The following TOR1AIP1 variants were observed in gnomAD, a reference collection of about 807,000 sequenced individuals.
TOR1AIP1 encodes torsin 1A interacting protein 1.
A neutral mutation model predicts 63.3 loss-of-function variants in TOR1AIP1; 54 were observed. That is an observed-to-expected ratio of 0.85 (90% CI 0.69 to 1.07). The LOEUF (loss-of-function observed/expected upper bound fraction) is 1.07, where lower values mean the gene tolerates loss of function less well. Ranked by LOEUF, TOR1AIP1 falls within the 50% of genes least tolerant of loss-of-function variation. TOR1AIP1 has a pLI of 0.00. For synonymous variants in TOR1AIP1, 294 were observed against 273.5 expected, an observed-to-expected ratio of 1.07 and a Z score of -0.74; for missense variants, 736 against 715.0, an observed-to-expected ratio of 1.03 and a Z score of -0.33.
chr1:179,894,208 G>A (rs1204199283), intron 3 of TOR1AIP1, among the ~76,000 whole-genome samples: 6 of 146,944 alleles, frequency 4.1e-5, no homozygotes, highest in Non-Finnish European at 7.4e-5. Context: ...CCGAGATCCC[G>A]CCACCGCACT....
chr1:179,893,798 T>C (rs1648180939), intron 3 of TOR1AIP1, among the ~76,000 whole-genome samples: 1 of 152,170 alleles, frequency 6.6e-6, no homozygotes, highest in African/African-American at 2.4e-5. Flanking sequence ...CTGGGTGAAA[T>C]TGGCCTACAA....
At position 179,901,316 on chromosome 1, in the gene TOR1AIP1, G is replaced by T. The variant is rs1648457775; in HGVS notation, c.667G>T (p.Asp223Tyr). The change falls in exon 5 of 10, where the codon GAT becomes TAT. Residue 223 changes from aspartate to tyrosine, a missense_variant. This residue lies in a region of TOR1AIP1 where 464 missense variants were observed against 371.0 expected (regional missense o/e 1.25). Transcript: ENST00000606911. ...CTTCTCTTTAGGAGAAACTGAAGAAGATGATCAAGACAGCTCTCACAGCAG... is the reference window on the plus strand; with the variant it reads ...CTTCTCTTTAGGAGAAACTGAAGAATATGATCAAGACAGCTCTCACAGCAG... ...NFSEEGETEE[D>Y]DQDSSHSSVT... 6.2e-7 allele frequency: 1 copy of T among 1,610,340 alleles called. No homozygotes were observed. The highest frequency in any genetic ancestry group is 2.2e-5 in the East Asian group (1 of 44,722).
intron 8 of TOR1AIP1, among the ~76,000 whole-genome samples, chr1:179,912,930 A>T (rs1648885291): frequency 6.6e-6 from 1 of 152,164 alleles, no homozygotes. Flanking sequence ...ATATATACAA[A>T]AGTTATAAAA....
At position 179,904,207 on chromosome 1, in the gene TOR1AIP1, C is replaced by T. The variant is rs185427576; in HGVS notation, c.796+185C>T. Among the ~76,000 whole-genome samples, 4 of 152,126 alleles carry T rather than the reference C, an allele frequency of 2.6e-5. No homozygotes were observed. In the East Asian group the frequency reaches 5.8e-4, roughly 22 times the overall value. ...CTTATTGAGTTATTATTCTCTATAC[C>T]CAAACCTGAATTTGAACTTAAAAAA... On this transcript the variant is annotated intron_variant, in intron 6 of 9. Coordinates refer to ENST00000606911, the MANE Select transcript of TOR1AIP1 (RefSeq NM_015602.4).
intron 9 of TOR1AIP1, among the ~76,000 whole-genome samples, chr1:179,915,288 T>C (rs1333830903): frequency 6.6e-6 from 1 of 152,256 alleles, no homozygotes; most frequent in Non-Finnish European, 1.5e-5. Context: ...CTTTTAGTAC[T>C]CTATTACATT....
chr1:179,917,549 CT>C lies in TOR1AIP1; in HGVS notation c.1065del (p.Phe355LeufsTer6). 6.2e-7 allele frequency: 1 copy of C among 1,614,052 alleles called. No individual in the cohort carries two copies. The highest frequency in any genetic ancestry group is 8.5e-7 in the Non-Finnish European group (1 of 1,180,012). ...CTCTTGCCTCTGGGAGTTTTTGGTT[CT>C]TTAGTACTCCTGAGGTAGAAACCAC... ...AALASGSFWF[F>X]STPEVETTAV... On this transcript the variant is annotated frameshift_variant, in exon 10 of 10. Transcript: ENST00000606911. LOFTEE classifies it high-confidence loss of function.
intron 6 of TOR1AIP1, among the ~76,000 whole-genome samples, chr1:179,907,593 T>A (rs61826288): frequency 1.6e-5 from 1 of 63,254 alleles, no homozygotes; most frequent in East Asian, 1.5e-3. Context: ...CACACACACT[T>A]TATATATATA....
intron 3 of TOR1AIP1, among the ~76,000 whole-genome samples, chr1:179,891,125 A>G (rs1214765707): frequency 1.3e-5 from 2 of 152,222 alleles, no homozygotes; most frequent in African/African-American, 2.4e-5. Flanking sequence ...ATATAAAAAC[A>G]TGTAATCAAT....
chr1:179,908,358 A>G (rs183862729), intron 7 of TOR1AIP1, among the ~76,000 whole-genome samples: 2 of 152,278 alleles, frequency 1.3e-5, no homozygotes, highest in Admixed American at 1.3e-4. Context: ...GTTCAGGGCT[A>G]TTTTACCACA....
intron 4 of TOR1AIP1, chr1:179,900,378 G>C (rs1648415623): frequency 3.0e-6 from 1 of 329,656 alleles, no homozygotes; most frequent in Non-Finnish European, 5.8e-6. Context: ...TCAGGTGTCT[G>C]CACTAAGTTT....
chr1:179,896,067 G>T (rs536221582), intron 3 of TOR1AIP1, among the ~76,000 whole-genome samples: 1 of 152,110 alleles, frequency 6.6e-6, no homozygotes, highest in African/African-American at 2.4e-5. Flanking sequence ...TCATCAGATC[G>T]CACTTAAATA....
At chr1:179,911,035 C>T (rs967220210) in intron 8 of TOR1AIP1, among the ~76,000 whole-genome samples, 2 of 152,088 alleles carry the variant, frequency 1.3e-5, no homozygotes, top group African/African-American at 4.8e-5. Flanking sequence ...TTTATTATGG[C>T]TTACAGAATT....
At chr1:179,907,362 G>T (rs1221313884) in intron 6 of TOR1AIP1, among the ~76,000 whole-genome samples, 1 of 150,054 alleles carries the variant, frequency 6.7e-6, no homozygotes, top group Non-Finnish European at 1.5e-5. Context: ...CTGGGAAGCG[G>T]AGGTTGCAGT....
chr1:179,883,825 T>G (rs1171499648), intron 1 of TOR1AIP1: 9 of 335,098 alleles, frequency 2.7e-5, no homozygotes, highest in East Asian at 8.2e-5. Context: ...TCTCCCACCC[T>G]GCCCCCCCCA....
At position 179,918,543 on chromosome 1, in the gene TOR1AIP1, G is replaced by A. The variant is rs1243877757; in HGVS notation, c.*304G>A. 2 of 255,924 alleles carry A rather than the reference G, an allele frequency of 7.8e-6. No homozygotes were observed. Among genetic ancestry groups the A allele is most frequent in the Non-Finnish European group, 1.5e-5 (2 of 134,678 alleles). The allele number at this position is 255,924 out of a possible 1,614,324, so 15.9% of individuals were successfully genotyped here. A position where few individuals can be genotyped will look rare whatever the true frequency, so the allele number is the denominator to read the frequency against. ...ATTACAGTTATGGTATGACCAGTGA[G>A]AGGGATTTGTGTCCTTTCTTATGAA... On this transcript the variant is annotated 3_prime_UTR_variant, in exon 10 of 10. Coordinates refer to ENST00000606911, the MANE Select transcript of TOR1AIP1 (RefSeq NM_015602.4).
chr1:179,882,736 G>A lies in TOR1AIP1; in HGVS notation c.234G>A (p.Arg78=). The change falls in exon 1 of 10, where the codon AGG becomes AGA. Residue 78 remains arginine (R), a synonymous_variant. Transcript: ENST00000606911. ...TCGAGCCCCTGGTGGCCAAAGAAAGGTCCCCGGTGGGAAAACGAACCCGGC... is the reference window on the plus strand; with the variant it reads ...TCGAGCCCCTGGTGGCCAAAGAAAGATCCCCGGTGGGAAAACGAACCCGGC... ...GDFEPLVAKE[R]SPVGKRTRLE... 1 of 1,614,142 alleles carries A rather than the reference G, an allele frequency of 6.2e-7. No homozygotes were observed. Among genetic ancestry groups the A allele is most frequent in the Non-Finnish European group, 8.5e-7 (1 of 1,180,014 alleles).
chr1:179,917,138 C>T (rs1384110935), intron 9 of TOR1AIP1, among the ~76,000 whole-genome samples: 1 of 152,160 alleles, frequency 6.6e-6, no homozygotes, highest in Non-Finnish European at 1.5e-5. Flanking sequence ...AAAATAATAA[C>T]TTCGCTTTAT....
At position 179,914,068 on chromosome 1, in the gene TOR1AIP1, T is replaced by C. The variant is rs575530409; in HGVS notation, c.964+14T>C. ...CCTCCAGCCGACGTAAGTTTATGTA[T>C]TCAGTTTTTATTAAATATTTCTGTA... On this transcript the variant is annotated intron_variant, in intron 9 of 9. Transcript: ENST00000606911. 1 of 1,609,464 alleles carries C rather than the reference T, an allele frequency of 6.2e-7. No homozygotes were observed. The highest frequency in any genetic ancestry group is 1.3e-5 in the African/African-American group (1 of 74,870).
In TOR1AIP1 at chr1:179,882,585, G is replaced by A. The variant is rs1008146553; in HGVS notation, c.83G>A (p.Gly28Glu). The change falls in exon 1 of 10, where the codon GGA becomes GAA. Residue 28 changes from glycine to glutamate, a missense_variant. By Grantham distance (98) the Gly-to-Glu change is moderately conservative. This residue lies in a region of TOR1AIP1 where 464 missense variants were observed against 371.0 expected (regional missense o/e 1.25). Coordinates refer to ENST00000606911, the MANE Select transcript of TOR1AIP1 (RefSeq NM_015602.4). Reference sequence around the variant, plus strand: ...ACCCCCAGGGCCCCCATCCGAGAGGGAAGGGGCCGGCTCGCCCCTCAAAAT... The same window carrying A: ...ACCCCCAGGGCCCCCATCCGAGAGGAAAGGGGCCGGCTCGCCCCTCAAAAT... ...YVTPRAPIRE[G>E]RGRLAPQNGG... The A allele has an allele frequency of 5.9e-6, 9 of 1,522,606 alleles. No homozygotes were observed. The highest frequency in any genetic ancestry group is 1.3e-5 in the South Asian group (1 of 75,592). 94.3% of individuals were successfully genotyped at this position (1,522,606 alleles called of 1,614,324 possible). A position where few individuals can be genotyped will look rare whatever the true frequency, so the allele number is the denominator to read the frequency against.
Sources: gnomAD v4.1 joint callset for allele counts (sites outside exome capture counted in the v4.1 genomes callset) on GRCh38, gnomAD v4.1.1 for gene constraint, gnomAD v4.1.1 regional missense constraint, MANE v1.5 for transcripts, NCBI Gene and HGNC (gene_info 2026-07-23, HGNC 2026-07-21) for gene names.